The following TFEB variants were observed in gnomAD, a reference collection of about 807,000 sequenced individuals.
TFEB encodes the protein T-cell transcription factor EB.
A neutral mutation model predicts 48.0 loss-of-function variants in TFEB; 12 were observed. The ratio of observed to expected loss-of-function variants is 0.25; its 90% CI spans 0.16 to 0.40. The LOEUF is 0.40. Among genes scored for constraint, TFEB ranks in the 10% least tolerant of loss-of-function variants. The pLI is 1.00. For synonymous variants in TFEB, 244 were observed against 261.4 expected, an observed-to-expected ratio of 0.93 and a Z score of 0.64; for missense variants, 509 against 640.3, an observed-to-expected ratio of 0.79 and a Z score of 2.21.
At chr6:41,717,349 T>C (rs932039780) in intron 1 of TFEB, among the ~76,000 whole-genome samples, 1 of 152,114 alleles carries the variant, frequency 6.6e-6, no homozygotes, top group African/African-American at 2.4e-5. Flanking sequence ...TTTTCCCATG[T>C]CCTCACTGCC....
chr6:41,709,957 T>C lies in TFEB; in HGVS notation c.-22-18722A>G, dbSNP rs1474093164. On this transcript the variant is annotated intron_variant, in intron 1 of 8. Coordinates refer to ENST00000373033, the MANE Select transcript of TFEB (RefSeq NM_001271944.2). ...GTGTGCCACTATGCCCCCACTAATT[T>C]GTTTATTTTTTGTAGAGATGGGGGT... Among the ~76,000 whole-genome samples, 55 of 152,070 alleles carry C rather than the reference T, an allele frequency of 3.6e-4. 1 individual carries two copies. Among genetic ancestry groups the C allele is most frequent in the Non-Finnish European group, 1.5e-5 (1 of 68,012 alleles).
chr6:41,687,869 T>C (rs1295212785), intron 5 of TFEB, 39 bp downstream of exon 5: 2 of 1,606,232 alleles, frequency 1.2e-6, no homozygotes, highest in East Asian at 4.5e-5. Context: ...GAGGGAGGAG[T>C]CGGGTATTCA....
intron 7 of TFEB, chr6:41,686,698 T>C: frequency 3.9e-6 from 1 of 257,006 alleles, no homozygotes; most frequent in Non-Finnish European, 7.6e-6. Context: ...GTATTTTTAG[T>C]AGAGATGGGG....
chr6:41,715,134 T>C (rs964243064), intron 1 of TFEB, among the ~76,000 whole-genome samples: 1 of 152,210 alleles, frequency 6.6e-6, no homozygotes, highest in African/African-American at 2.4e-5. Flanking sequence ...TCCCAGATAG[T>C]ACCCAAGGCA....
rs1581931393 is a variant in TFEB at position 41,723,592 on chromosome 6, A to G, written c.-23+11758T>C. On this transcript the variant is annotated intron_variant, in intron 1 of 8. Transcript: ENST00000373033. This position sits in a 1 kb window ranked among gnomAD's most constrained non-coding sequence, Gnocchi z 6.0. Reference sequence around the variant, plus strand: ...ATTTCCCCGGCGGCTGCTGTTTCTCACCCAGCCCCCTGCACCTCAGCTGGA... The same window carrying G: ...ATTTCCCCGGCGGCTGCTGTTTCTCGCCCAGCCCCCTGCACCTCAGCTGGA... 8.2e-7 allele frequency: 1 copy of G among 1,222,076 alleles called. No individual in the cohort carries two copies. The highest frequency in any genetic ancestry group is 5.7e-5 in the East Asian group (1 of 17,568). 75.7% of individuals were successfully genotyped at this position (1,222,076 alleles called of 1,614,324 possible). A position where few individuals can be genotyped will look rare whatever the true frequency, so the allele number is the denominator to read the frequency against.
chr6:41,718,185 GTT>G (rs35792875), intron 1 of TFEB, among the ~76,000 whole-genome samples: 1 of 150,716 alleles, frequency 6.6e-6, no homozygotes, highest in Admixed American at 6.6e-5. Flanking sequence ...TTTTGGGGGT[GTT>G]TTTTTTTGTT....
chr6:41,719,316 A>G (rs1770879862), intron 1 of TFEB, among the ~76,000 whole-genome samples: 1 of 152,174 alleles, frequency 6.6e-6, no homozygotes, highest in Admixed American at 6.5e-5. Flanking sequence ...ACAATGTAAT[A>G]ATAATAGAAA....
At chr6:41,686,000 C>T in intron 8 of TFEB, 90 bp downstream of exon 8, 1 of 1,542,862 alleles carries the variant, frequency 6.5e-7, no homozygotes, top group Non-Finnish European at 8.9e-7. Context: ...TCCTGTGTCT[C>T]CAACTTCAGA....
At chr6:41,696,934 A>G (rs1295459598) in intron 1 of TFEB, among the ~76,000 whole-genome samples, 1 of 152,166 alleles carries the variant, frequency 6.6e-6, no homozygotes, top group Non-Finnish European at 1.5e-5. Flanking sequence ...CCCTTGGGGG[A>G]GTGTCTGGGA....
chr6:41,713,229 C>G (rs1211029315), intron 1 of TFEB, among the ~76,000 whole-genome samples: 3 of 152,122 alleles, frequency 2.0e-5, no homozygotes, highest in Non-Finnish European at 2.9e-5. Context: ...CTGGGGTACC[C>G]CAGGAGAGGA....
Position 41,691,452 on chromosome 6 carries a change from G to A in TFEB, c.-22-217C>T, listed in dbSNP as rs371054306. Reference sequence around the variant, plus strand: ...CCTGGTTCCTGGACCAAAACTGAAGGTTCTGTCTTCTTCACTCATTGCAGT... The same window carrying A: ...CCTGGTTCCTGGACCAAAACTGAAGATTCTGTCTTCTTCACTCATTGCAGT... On this transcript the variant is annotated intron_variant, in intron 1 of 8. Transcript: ENST00000373033. This position sits in a 1 kb window ranked among gnomAD's most constrained non-coding sequence, Gnocchi z 5.2. 2 of 714,488 alleles carry A rather than the reference G, an allele frequency of 2.8e-6. No individual in the cohort carries two copies. The highest frequency in any genetic ancestry group is 2.0e-5 in the Admixed American group (1 of 49,372). The allele number at this position is 714,488 out of a possible 1,614,324, so 44.3% of individuals were successfully genotyped here. A position where few individuals can be genotyped will look rare whatever the true frequency, so the allele number is the denominator to read the frequency against.
At chr6:41,708,495 A>T (rs1368655861) in intron 1 of TFEB, among the ~76,000 whole-genome samples, 1 of 152,216 alleles carries the variant, frequency 6.6e-6, no homozygotes, top group Admixed American at 6.5e-5. Flanking sequence ...GACACCTATC[A>T]CTTGACTGGG....
chr6:41,720,033 T>C lies in TFEB; in HGVS notation c.-23+15317A>G, dbSNP rs536822499. Among the ~76,000 whole-genome samples, 4 of 152,218 alleles carry C rather than the reference T, an allele frequency of 2.6e-5. No individual in the cohort carries two copies. The highest frequency in any genetic ancestry group is 5.9e-5 in the Non-Finnish European group (4 of 68,026). Reference sequence around the variant, plus strand: ...TGGCACACAGGAGTGCCAATATATGTGACCTGTCATTAAACACCACATTCT... The same window carrying C: ...TGGCACACAGGAGTGCCAATATATGCGACCTGTCATTAAACACCACATTCT... On this transcript the variant is annotated intron_variant, in intron 1 of 8. Transcript: ENST00000373033. This position sits in a 1 kb window ranked among gnomAD's most constrained non-coding sequence, Gnocchi z 4.1.
chr6:41,690,939 G>A lies in TFEB; in HGVS notation c.214-22C>T, dbSNP rs756668759. The A allele has an allele frequency of 7.6e-6, 12 of 1,571,402 alleles. No homozygotes were observed. The South Asian group carries it at 1.2e-4, about 15-fold the overall frequency. On this transcript the variant is annotated intron_variant, in intron 2 of 8. Coordinates refer to ENST00000373033, the MANE Select transcript of TFEB (RefSeq NM_001271944.2). ...GCACCTGGGAGGGGGAAAAGGCAAG[G>A]GCTCTAGGGGAGGCTGGGACTAGTG...
chr6:41,718,468 CA>C, intron 1 of TFEB, among the ~76,000 whole-genome samples: 1 of 152,074 alleles, frequency 6.6e-6, no homozygotes, highest in Non-Finnish European at 1.5e-5. Flanking sequence ...CTCAGTCTCC[CA>C]AAGTGTTGGT....
chr6:41,723,540 AGCCCCAGGGCCGG>A lies in TFEB; in HGVS notation c.-23+11797_-23+11809del. 1 of 1,281,198 alleles carries A rather than the reference AGCCCCAGGGCCGG, an allele frequency of 7.8e-7. No homozygotes were observed. The highest frequency in any genetic ancestry group is 1.0e-6 in the Non-Finnish European group (1 of 985,290). The allele number at this position is 1,281,198 out of a possible 1,614,324, so 79.4% of individuals were successfully genotyped here. A position where few individuals can be genotyped will look rare whatever the true frequency, so the allele number is the denominator to read the frequency against. On this transcript the variant is annotated intron_variant, in intron 1 of 8. Transcript: ENST00000373033. This position sits in a 1 kb window ranked among gnomAD's most constrained non-coding sequence, Gnocchi z 6.0. Reference sequence around the variant, plus strand: ...GGGCCGGAGCCCAGGGCCGCACCCCAGCCCCAGGGCCGGGCTCAGTTTCCTCATTTCCCCGGCG... The same window carrying A: ...GGGCCGGAGCCCAGGGCCGCACCCCAGCTCAGTTTCCTCATTTCCCCGGCG...
Position 41,720,621 on chromosome 6 carries a change from G to A in TFEB, c.-23+14729C>T, listed in dbSNP as rs1770937239. 1 of 152,194 alleles carries A rather than the reference G, an allele frequency of 6.6e-6. No homozygotes were observed. The highest frequency in any genetic ancestry group is 6.5e-5 in the Admixed American group (1 of 15,284). The allele number at this position is 152,194 out of a possible 1,614,324, so 9.4% of individuals were successfully genotyped here. A position where few individuals can be genotyped will look rare whatever the true frequency, so the allele number is the denominator to read the frequency against. ...TAGGCCAAGCACTTCCCAGGGCAGGGATCTAAATAGTGGGAAGTCTTCTGG... is the reference window on the plus strand; with the variant it reads ...TAGGCCAAGCACTTCCCAGGGCAGGAATCTAAATAGTGGGAAGTCTTCTGG... On this transcript the variant is annotated intron_variant, in intron 1 of 8. Transcript: ENST00000373033. This position sits in a 1 kb window ranked among gnomAD's most constrained non-coding sequence, Gnocchi z 4.1.
chr6:41,690,572 C>T (rs1769248729), intron 3 of TFEB, 91 bp downstream of exon 3: 1 of 1,390,882 alleles, frequency 7.2e-7, no homozygotes, highest in South Asian at 1.7e-5. Context: ...GAAGGCACCC[C>T]TGCCTCTGCC....
Position 41,724,488 on chromosome 6 carries a change from C to T in TFEB, c.-23+10862G>A, listed in dbSNP as rs1046603524. On this transcript the variant is annotated intron_variant, in intron 1 of 8. Transcript: ENST00000373033. This position sits in a 1 kb window ranked among gnomAD's most constrained non-coding sequence, Gnocchi z 4.4. ...GCCCAGAACAGTGAGGCCAGAGAGG[C>T]CCAGGGAGGATGGACCCAGACTCTG... is the stretch of plus-strand genomic sequence containing the variant. 6.6e-6 allele frequency among the ~76,000 whole-genome samples: 1 copy of T among 151,916 alleles called. No individual in the cohort carries two copies. The highest frequency in any genetic ancestry group is 1.5e-5 in the Non-Finnish European group (1 of 67,964).
Sources: gnomAD v4.1 joint callset for allele counts (sites outside exome capture counted in the v4.1 genomes callset) on GRCh38, gnomAD v4.1.1 for gene constraint, Gnocchi (gnomAD v3.1) non-coding constraint, MANE v1.5 for transcripts, NCBI Gene and HGNC (gene_info 2026-07-23, HGNC 2026-07-21) for gene names.